Variants in NAALADL2 observed in about 807,000 individuals in gnomAD.
The protein encoded by NAALADL2 is N-acetylated alpha-linked acidic dipeptidase like 2.
NAALADL2 carries 76 observed loss-of-function variants against 87.2 expected under a neutral mutation model. That is an observed-to-expected ratio of 0.87 (90% CI 0.72 to 1.05). The LOEUF (loss-of-function observed/expected upper bound fraction) is 1.05. Among genes scored for constraint, NAALADL2 ranks in the 50% least tolerant of loss-of-function variants. The probability of loss-of-function intolerance (pLI) is 0.00; values close to 1 mark genes in which losing one functional copy is unlikely to be tolerated. For synonymous variants in NAALADL2, 354 were observed against 331.0 expected, an observed-to-expected ratio of 1.07 and a Z score of -0.75; for missense variants, 1,089 against 945.8, an observed-to-expected ratio of 1.15 and a Z score of -1.99.
chr3:175,672,066 CT>C, intron 11 of NAALADL2, among the ~76,000 whole-genome samples: 1 of 152,186 alleles, frequency 6.6e-6, no homozygotes, highest in East Asian at 1.9e-4. Flanking sequence ...CTTTGGAACA[CT>C]GTTATTTCAG....
intron 9 of NAALADL2, among the ~76,000 whole-genome samples, chr3:175,503,537 A>C (rs1582158887): frequency 6.6e-6 from 1 of 152,176 alleles, no homozygotes; most frequent in East Asian, 1.9e-4. Context: ...ACTAATTTAC[A>C]TTGCCACTAG....
At chr3:175,245,805 G>A (rs998384693) in intron 3 of NAALADL2, among the ~76,000 whole-genome samples, 2 of 152,218 alleles carry the variant, frequency 1.3e-5, no homozygotes, top group Non-Finnish European at 1.5e-5. Flanking sequence ...CCACTAGCTA[G>A]TGTCCCTTCT....
chr3:174,849,605 G>A (rs1450372880), intron 3 of NAALADL2, among the ~76,000 whole-genome samples: 2 of 151,688 alleles, frequency 1.3e-5, no homozygotes, highest in East Asian at 1.9e-4. Flanking sequence ...CATGGTGGCG[G>A]GTGCCTGTAA....
At chr3:175,076,282 A>G (rs944111693) in intron 1 of NAALADL2, among the ~76,000 whole-genome samples, 1 of 151,330 alleles carries the variant, frequency 6.6e-6, no homozygotes, top group Non-Finnish European at 1.5e-5. Context: ...GATGTGAAAG[A>G]CATGTTGGGT....
intron 5 of NAALADL2, among the ~76,000 whole-genome samples, chr3:175,374,915 A>AGT (rs1766961084): frequency 1.3e-5 from 2 of 150,324 alleles, no homozygotes; most frequent in Non-Finnish European, 3.0e-5. Context: ...TAAATAAATA[A>AGT]ATAAGTCAAG....
intron 5 of NAALADL2, among the ~76,000 whole-genome samples, chr3:175,348,595 A>G (rs897452340): frequency 2.6e-5 from 4 of 152,006 alleles, no homozygotes; most frequent in African/African-American, 9.7e-5. Context: ...GCAGTTGTCA[A>G]CACTCCGTGG....
chr3:174,449,797 A>G (rs916319867), intron 1 of NAALADL2, among the ~76,000 whole-genome samples: 1 of 152,160 alleles, frequency 6.6e-6, no homozygotes, highest in African/African-American at 2.4e-5. Flanking sequence ...CCACTTTTTC[A>G]TTAGTCCTTC....
intron 1 of NAALADL2, among the ~76,000 whole-genome samples, chr3:174,871,439 T>C (rs982067843): frequency 1.3e-5 from 2 of 152,234 alleles, no homozygotes; most frequent in Admixed American, 6.5e-5. Flanking sequence ...AAAAGTTGTT[T>C]CTTTCTTGTT....
chr3:175,501,984 TAGTA>T (rs778013424), intron 9 of NAALADL2, among the ~76,000 whole-genome samples: 5 of 151,924 alleles, frequency 3.3e-5, no homozygotes, highest in Non-Finnish European at 7.4e-5. Context: ...TCAAAAGCGA[TAGTA>T]AGATCAAAAA....
intron 6 of NAALADL2, among the ~76,000 whole-genome samples, chr3:175,459,414 G>A (rs1189850700): frequency 2.6e-5 from 4 of 151,544 alleles, no homozygotes; most frequent in South Asian, 2.1e-4. Flanking sequence ...CCAGAGAGGC[G>A]TAGAAAAGGA....
intron 11 of NAALADL2, chr3:175,718,786 G>A (rs1055400604): frequency 9.5e-6 from 7 of 737,046 alleles, no homozygotes; most frequent in Non-Finnish European, 1.1e-5. Context: ...AATTAGCCAA[G>A]CATGGTGACG....
At chr3:174,975,075 G>C (rs941390723) in intron 1 of NAALADL2, among the ~76,000 whole-genome samples, 1 of 152,066 alleles carries the variant, frequency 6.6e-6, no homozygotes, top group Non-Finnish European at 1.5e-5. Flanking sequence ...TGATGCACTA[G>C]CATCAGGTTG....
chr3:175,128,247 G>C (rs1186646714), intron 2 of NAALADL2, among the ~76,000 whole-genome samples: 1 of 152,144 alleles, frequency 6.6e-6, no homozygotes, highest in East Asian at 1.9e-4. Flanking sequence ...TAATTGTGAA[G>C]AAAGTGCTTG....
At chr3:175,637,493 G>A (rs1728711742) in intron 11 of NAALADL2, among the ~76,000 whole-genome samples, 1 of 152,152 alleles carries the variant, frequency 6.6e-6, no homozygotes, top group Non-Finnish European at 1.5e-5. Flanking sequence ...CATGGAGGCG[G>A]ATCCCTCATA....
chr3:175,676,989 T>G (rs2149866572), intron 11 of NAALADL2, among the ~76,000 whole-genome samples: 1 of 152,262 alleles, frequency 6.6e-6, no homozygotes, highest in African/African-American at 2.4e-5. Flanking sequence ...TAAGGTTTAT[T>G]TTTATTCTTT....
At chr3:175,363,477 G>A (rs1469864022) in intron 5 of NAALADL2, among the ~76,000 whole-genome samples, 1 of 147,208 alleles carries the variant, frequency 6.8e-6, no homozygotes, top group Non-Finnish European at 1.5e-5. Flanking sequence ...TGTGGATTTT[G>A]TTTCCTTTTA....
At chr3:175,307,856 T>A (rs1757904691) in intron 4 of NAALADL2, among the ~76,000 whole-genome samples, 1 of 152,174 alleles carries the variant, frequency 6.6e-6, no homozygotes, top group Non-Finnish European at 1.5e-5. Flanking sequence ...TTGTAGAAGT[T>A]TCCATTTATA....
At chr3:175,156,739 T>A (rs965816903) in intron 2 of NAALADL2, among the ~76,000 whole-genome samples, 5 of 152,098 alleles carry the variant, frequency 3.3e-5, no homozygotes, top group African/African-American at 1.2e-4. Flanking sequence ...AACTTAGAAC[T>A]TCTCATGGGA....
At chr3:174,688,601 T>G (rs1185492410) in intron 2 of NAALADL2, among the ~76,000 whole-genome samples, 1 of 152,038 alleles carries the variant, frequency 6.6e-6, no homozygotes, top group African/African-American at 2.4e-5. Flanking sequence ...TTTAGAAAAC[T>G]GAGAAATTGC....
Sources: allele counts gnomAD v4.1 joint callset (sites outside exome capture counted in the v4.1 genomes callset), GRCh38; gene constraint gnomAD v4.1.1; transcripts MANE v1.5; gene names NCBI Gene and HGNC (gene_info 2026-07-23, HGNC 2026-07-21).